The following CEP83 variants were observed in gnomAD, a reference collection of about 807,000 sequenced individuals.
The protein encoded by CEP83 is centrosomal protein 83, also known as centrosomal protein of 83 kDa.
A neutral mutation model predicts 101.9 loss-of-function variants in CEP83; 70 were observed. The ratio of observed to expected loss-of-function variants is 0.69; its 90% CI spans 0.57 to 0.84. The LOEUF (loss-of-function observed/expected upper bound fraction) is 0.84, where lower values mean the gene tolerates loss of function less well. CEP83 is among the 40% of genes least tolerant of loss of function. CEP83 has a pLI of 0.00. For missense variants in CEP83, 715 were observed against 787.2 expected (o/e 0.91, Z 1.10); for synonymous variants, 264 against 267.9 (o/e 0.99, Z 0.14).
At chr12:94,442,596 A>G (rs951516682) in intron 1 of CEP83, among the ~76,000 whole-genome samples, 1 of 152,184 alleles carries the variant, frequency 6.6e-6, no homozygotes, top group African/African-American at 2.4e-5. Flanking sequence ...GACTCATATA[A>G]AGTAAAGGTT....
chr12:94,376,748 T>TA lies in CEP83; in HGVS notation c.802-732_802-731insT, dbSNP rs60406629. The stretch of plus-strand genomic sequence containing the variant: ...ACACACACACATATATATATATATA[T>TA]TTTTTTTTTGAGACAAGGTCTTGCT... On this transcript the variant is annotated intron_variant, in intron 7 of 16. Transcript: ENST00000397809. Among the ~76,000 whole-genome samples the TA allele has an allele frequency of 7.2e-3, 508 of 70,278 alleles. 3 individuals carry two copies. The highest frequency in any genetic ancestry group is 0.035 in the East Asian group (94 of 2,722). 46.1% of individuals were successfully genotyped at this position (70,278 alleles called of 152,430 possible).
intron 11 of CEP83, 154 bp from the exon 12 acceptor site, chr12:94,335,818 A>G: frequency 1.6e-6 from 1 of 607,498 alleles, no homozygotes; most frequent in South Asian, 1.9e-5. Flanking sequence ...GTGTTCACGT[A>G]TAACAAAAAT....
chr12:94,432,077 C>T lies in CEP83; in HGVS notation c.-102+3198G>A, dbSNP rs559865218. Among the ~76,000 whole-genome samples, 500 of 148,954 alleles carry T rather than the reference C, an allele frequency of 3.4e-3. 6 individuals are homozygous for T. The highest frequency in any genetic ancestry group is 1.3e-3 in the Non-Finnish European group (90 of 67,526). Reference sequence around the variant, plus strand: ...CTTTTTCTTTTTTTTTTTTTTGAGACGGAGTCTCGCTCTGTAGCCCAGGCT... The same window carrying T: ...CTTTTTCTTTTTTTTTTTTTTGAGATGGAGTCTCGCTCTGTAGCCCAGGCT... On this transcript the variant is annotated intron_variant, in intron 2 of 16. Transcript: ENST00000397809.
At chr12:94,272,929 G>C in the CEP83 span, among the ~76,000 whole-genome samples, 1 of 152,176 alleles carries the variant, frequency 6.6e-6, no homozygotes, top group Non-Finnish European at 1.5e-5. Flanking sequence ...ATTCATTGAG[G>C]CCTTCAAGCA....
chr12:94,303,811 A>T, downstream of CEP83: 1 of 1,611,324 alleles, frequency 6.2e-7, no homozygotes, highest in Non-Finnish European at 8.5e-7. Context: ...TACAAAGAAG[A>T]AGTAAAATCT....
chr12:94,347,050 A>AATATATAT (rs137940620), intron 11 of CEP83, among the ~76,000 whole-genome samples: 16,425 of 131,770 alleles, frequency 0.12, 1,124 homozygotes, highest in South Asian at 0.23. Flanking sequence ...AAAATAAACA[A>AATATATAT]ATATATATAT....
intron 12 of CEP83, among the ~76,000 whole-genome samples, chr12:94,334,786 A>T (rs2059384295): frequency 6.6e-6 from 1 of 152,016 alleles, no homozygotes; most frequent in African/African-American, 2.4e-5. Context: ...AGAACTATTC[A>T]CTCTTTATTT....
At chr12:94,418,292 C>T (rs1199981286) in intron 2 of CEP83, among the ~76,000 whole-genome samples, 1 of 152,128 alleles carries the variant, frequency 6.6e-6, no homozygotes, top group Non-Finnish European at 1.5e-5. Flanking sequence ...ATCTGGGAGG[C>T]AGAGGCTGCA....
At chr12:94,419,008 G>A (rs2064504356) in intron 2 of CEP83, among the ~76,000 whole-genome samples, 1 of 151,086 alleles carries the variant, frequency 6.6e-6, no homozygotes, top group Admixed American at 6.6e-5. Context: ...ATTCAATATT[G>A]TATTGAAGAA....
At chr12:94,345,631 C>T (rs975457844) in intron 11 of CEP83, among the ~76,000 whole-genome samples, 1 of 152,008 alleles carries the variant, frequency 6.6e-6, no homozygotes, top group Admixed American at 6.6e-5. Flanking sequence ...TGGAACTGGT[C>T]ATAAAAAAAT....
intron 7 of CEP83, among the ~76,000 whole-genome samples, chr12:94,378,471 G>A (rs920219837): frequency 4.6e-5 from 7 of 152,128 alleles, no homozygotes; most frequent in African/African-American, 1.7e-4. Flanking sequence ...TCTGGTTTGA[G>A]ATGACTTTAC....
chr12:94,459,222 G>C (rs1157584928), intron 1 of CEP83, among the ~76,000 whole-genome samples: 3 of 152,174 alleles, frequency 2.0e-5, no homozygotes, highest in Non-Finnish European at 4.4e-5. Flanking sequence ...CATATTTTAG[G>C]TGTTTATCTC....
At chr12:94,354,265 A>G (rs1206142044) in intron 11 of CEP83, among the ~76,000 whole-genome samples, 1 of 151,754 alleles carries the variant, frequency 6.6e-6, no homozygotes, top group African/African-American at 2.4e-5. Flanking sequence ...ATCTCGGCTC[A>G]CTGTAACCTC....
the CEP83 span, among the ~76,000 whole-genome samples, chr12:94,288,511 A>G: frequency 6.6e-6 from 1 of 152,198 alleles, no homozygotes; most frequent in Non-Finnish European, 1.5e-5. Context: ...TAAACAAGAG[A>G]GAAGCAGGAG....
chr12:94,368,035 AC>A (rs2061109129), intron 10 of CEP83, 21 bp downstream of exon 10: 1 of 1,609,310 alleles, frequency 6.2e-7, no homozygotes, highest in African/African-American at 1.3e-5. Context: ...TTTAAGTCAA[AC>A]TAAGGTAATT....
At chr12:94,315,618 G>C (rs993317772) in intron 14 of CEP83, among the ~76,000 whole-genome samples, 2 of 151,460 alleles carry the variant, frequency 1.3e-5, no homozygotes, top group Non-Finnish European at 2.9e-5. Flanking sequence ...TTTATAGTAG[G>C]AACTTTTTGC....
intron 6 of CEP83, among the ~76,000 whole-genome samples, chr12:94,390,707 C>T (rs1444280250): frequency 2.0e-5 from 3 of 152,120 alleles, no homozygotes; most frequent in Admixed American, 1.3e-4. Flanking sequence ...TCGAACCCAT[C>T]GCAAGGAAGC....
chr12:94,418,512 C>T (rs953029980), intron 2 of CEP83, among the ~76,000 whole-genome samples: 2 of 152,054 alleles, frequency 1.3e-5, no homozygotes, highest in African/African-American at 4.8e-5. Context: ...AATAGACATA[C>T]AAAATAAATA....
At chr12:94,413,396 A>G (rs757766911) in intron 2 of CEP83, among the ~76,000 whole-genome samples, 3 of 152,302 alleles carry the variant, frequency 2.0e-5, no homozygotes, top group Non-Finnish European at 4.4e-5. Context: ...AAGCTACCAC[A>G]GTAAGCTTCA....
Sources: allele counts gnomAD v4.1 joint callset (sites outside exome capture counted in the v4.1 genomes callset), GRCh38; gene constraint gnomAD v4.1.1; transcripts MANE v1.5; gene names NCBI Gene and HGNC (gene_info 2026-07-23, HGNC 2026-07-21).